GALNT10: variants seen among roughly 807,000 people sequenced by gnomAD.
GALNT10 encodes GalNAc transferase 10.
In GALNT10, 41 loss-of-function variants were observed where a neutral mutation model predicts 75.0. The ratio of observed to expected loss-of-function variants is 0.55; its 90% CI spans 0.43 to 0.71. The LOEUF (loss-of-function observed/expected upper bound fraction) is 0.71, where lower values mean the gene tolerates loss of function less well. Ranked by LOEUF, GALNT10 falls within the 30% of genes least tolerant of loss-of-function variation. The probability of loss-of-function intolerance (pLI) is 0.00; values close to 1 mark genes in which losing one functional copy is unlikely to be tolerated. For missense variants in GALNT10, 727 were observed against 818.5 expected (o/e 0.89, Z 1.36); for synonymous variants, 302 against 313.0 (o/e 0.96, Z 0.37).
intron 4 of GALNT10, among the ~76,000 whole-genome samples, chr5:154,366,594 G>GC (rs1755478094): frequency 6.6e-6 from 1 of 151,938 alleles, no homozygotes; most frequent in Non-Finnish European, 1.5e-5. Context: ...GAGACAATAG[G>GC]CCCATAGATA....
intron 1 of GALNT10, among the ~76,000 whole-genome samples, chr5:154,252,679 C>A (rs1277385121): frequency 6.6e-6 from 1 of 152,030 alleles, no homozygotes; most frequent in East Asian, 1.9e-4. Context: ...TTGTCCTGAG[C>A]TGACATTCTT....
chr5:154,291,229 C>T (rs1051593143), intron 1 of GALNT10, among the ~76,000 whole-genome samples: 10 of 152,124 alleles, frequency 6.6e-5, no homozygotes, highest in Admixed American at 2.6e-4. Flanking sequence ...ATCCCTGTAC[C>T]CCATTCCCAG....
In GALNT10 at chr5:154,190,991, G is replaced by T; in HGVS notation, c.125G>T (p.Gly42Val). The T allele has an allele frequency of 6.7e-7, 1 of 1,496,022 alleles. No homozygotes were observed. Among genetic ancestry groups the T allele is most frequent in the South Asian group, 1.2e-5 (1 of 80,530 alleles). 92.7% of individuals were successfully genotyped at this position (1,496,022 alleles called of 1,614,324 possible). A position where few individuals can be genotyped will look rare whatever the true frequency, so the allele number is the denominator to read the frequency against. The change falls in exon 1 of 12, where the codon GGA becomes GTA. Residue 42 changes from glycine (G) to valine (V), a missense_variant. Physicochemically the swap from Gly to Val is moderately radical, Grantham distance 109. Coordinates refer to ENST00000297107, the MANE Select transcript of GALNT10 (RefSeq NM_198321.4). ...CGGCAGCCCGACGGCACCCCTGGGG[G>T]ATCGGGGGCGGCGGTGGCGCCGGCG... Reference protein sequence around the residue: ...RERQPDGTPGGSGAAVAPAAG... With the variant: ...RERQPDGTPGVSGAAVAPAAG...
intron 1 of GALNT10, among the ~76,000 whole-genome samples, chr5:154,236,639 G>T (rs894102836): frequency 6.6e-6 from 1 of 152,202 alleles, no homozygotes. Context: ...AATTTATGGC[G>T]TCCACTTCTT....
At chr5:154,317,684 T>C (rs986594469) in intron 3 of GALNT10, among the ~76,000 whole-genome samples, 1 of 152,226 alleles carries the variant, frequency 6.6e-6, no homozygotes, top group Admixed American at 6.5e-5. Context: ...TGACGGAATA[T>C]ACCTGGGGAT....
intron 1 of GALNT10, among the ~76,000 whole-genome samples, chr5:154,284,849 G>A (rs568733304): frequency 1.3e-5 from 2 of 152,310 alleles, no homozygotes; most frequent in Admixed American, 1.3e-4. Flanking sequence ...TTGGCAGTTT[G>A]CAAAACGCTT....
chr5:154,227,888 C>G (rs558850313), intron 1 of GALNT10, among the ~76,000 whole-genome samples: 95 of 152,210 alleles, frequency 6.2e-4, no homozygotes, highest in Middle Eastern at 6.8e-3. Context: ...TCATGTTGAA[C>G]TGTAATCCCC....
chr5:154,364,794 C>T (rs945661846), intron 4 of GALNT10, among the ~76,000 whole-genome samples: 1 of 152,074 alleles, frequency 6.6e-6, no homozygotes, highest in African/African-American at 2.4e-5. Flanking sequence ...AGAGCAGCTA[C>T]CAGAAGCCCA....
At chr5:154,281,199 A>G (rs1754034002) in intron 1 of GALNT10, among the ~76,000 whole-genome samples, 1 of 152,196 alleles carries the variant, frequency 6.6e-6, no homozygotes, top group South Asian at 2.1e-4. Flanking sequence ...AATAAACATG[A>G]CATATCTCTC....
intron 1 of GALNT10, among the ~76,000 whole-genome samples, chr5:154,192,729 C>T (rs921212329): frequency 2.0e-5 from 3 of 152,198 alleles, no homozygotes; most frequent in Admixed American, 6.5e-5. Flanking sequence ...ATACTGGACA[C>T]AGCTCCAGGT....
intron 3 of GALNT10, among the ~76,000 whole-genome samples, chr5:154,323,651 C>T (rs760832546): frequency 1.3e-5 from 2 of 152,190 alleles, no homozygotes; most frequent in African/African-American, 2.4e-5. Flanking sequence ...TGCTCATATT[C>T]GAGGAACCAA....
chr5:154,399,315 C>T (rs1430032294), intron 7 of GALNT10, among the ~76,000 whole-genome samples: 1 of 152,206 alleles, frequency 6.6e-6, no homozygotes, highest in Non-Finnish European at 1.5e-5. Context: ...ACCCCCCTAG[C>T]CCGTCCTTGG....
chr5:154,410,776 G>A (rs1404121653), intron 9 of GALNT10, among the ~76,000 whole-genome samples: 3 of 152,134 alleles, frequency 2.0e-5, no homozygotes, highest in African/African-American at 2.4e-5. Flanking sequence ...CAGTGTCTTC[G>A]CACATGCTGC....
chr5:154,371,784 A>T (rs940918917), intron 4 of GALNT10, among the ~76,000 whole-genome samples: 11 of 152,068 alleles, frequency 7.2e-5, no homozygotes, highest in African/African-American at 2.7e-4. Context: ...AGTCCTTGGG[A>T]TAATCAAGTA....
intron 1 of GALNT10, among the ~76,000 whole-genome samples, chr5:154,276,754 C>G (rs1454463100): frequency 1.3e-5 from 2 of 152,050 alleles, no homozygotes; most frequent in African/African-American, 4.8e-5. Context: ...GTGGTAACTT[C>G]CAAAAAGAGA....
At chr5:154,338,673 ATGCAACTT>A (rs1754982648) in intron 4 of GALNT10, among the ~76,000 whole-genome samples, 1 of 152,226 alleles carries the variant, frequency 6.6e-6, no homozygotes, top group Non-Finnish European at 1.5e-5. Context: ...ATTTAATCAT[ATGCAACTT>A]TGCATCCTGG....
intron 6 of GALNT10, among the ~76,000 whole-genome samples, chr5:154,384,601 A>AT (rs1371749483): frequency 1.3e-5 from 2 of 152,194 alleles, no homozygotes; most frequent in African/African-American, 4.8e-5. Context: ...TGGGTAGCAC[A>AT]GGGTTAATGG....
At chr5:154,359,520 A>G (rs1755349161) in intron 4 of GALNT10, among the ~76,000 whole-genome samples, 2 of 130,142 alleles carry the variant, frequency 1.5e-5, no homozygotes, top group South Asian at 2.6e-4. Flanking sequence ...TCCTAAAAGG[A>G]CTCTGTTTCT....
At chr5:154,347,544 T>C (rs1015835571) in intron 4 of GALNT10, among the ~76,000 whole-genome samples, 1 of 151,842 alleles carries the variant, frequency 6.6e-6, no homozygotes, top group Non-Finnish European at 1.5e-5. Flanking sequence ...TAATTTTTAG[T>C]AGAGACAAGG....
Sources: gnomAD v4.1 joint callset for allele counts (sites outside exome capture counted in the v4.1 genomes callset) on GRCh38, gnomAD v4.1.1 for gene constraint, MANE v1.5 for transcripts, NCBI Gene and HGNC (gene_info 2026-07-23, HGNC 2026-07-21) for gene names.